Variants in PARP8 observed in about 807,000 individuals in gnomAD.
The protein encoded by PARP8 is poly(ADP-ribose) polymerase family member 8.
PARP8 carries 51 observed loss-of-function variants against 124.1 expected under a neutral mutation model. That is an observed-to-expected ratio of 0.41 (90% CI 0.33 to 0.52). The LOEUF (loss-of-function observed/expected upper bound fraction) is 0.52, where lower values mean the gene tolerates loss of function less well. PARP8 is among the 20% of genes least tolerant of loss of function. PARP8 has a pLI of 0.21. For synonymous variants in PARP8, 391 were observed against 361.5 expected (o/e 1.08, Z -0.93); for missense variants, 860 against 1,018.9 (o/e 0.84, Z 2.12).
At position 50,778,097 on chromosome 5, in the gene PARP8, A is replaced by G; in HGVS notation, c.547A>G (p.Ile183Val). 2.5e-6 allele frequency: 4 copies of G among 1,608,984 alleles called. No homozygotes were observed. The highest frequency in any genetic ancestry group is 3.4e-6 in the Non-Finnish European group (4 of 1,178,208). The change falls in exon 8 of 26, where the codon ATT becomes GTT. Residue 183 changes from isoleucine to valine, a missense_variant. This residue lies in a region of PARP8 where 517 missense variants were observed against 544.2 expected (regional missense o/e 0.95). Coordinates refer to ENST00000281631, the MANE Select transcript of PARP8 (RefSeq NM_024615.4). ...ATATGGAGCCATTGATGATGTAGAT[A>G]TTGATCTGCATATCGATGTTAGCTT... ...REYGAIDDVD[I>V]DLHIDVSFLD...
rs140500350 is a variant in PARP8, at chr5:50,828,361, G to T, written c.2140G>T (p.Val714Phe). 6.2e-7 allele frequency: 1 copy of T among 1,613,524 alleles called. No homozygotes were observed. Among genetic ancestry groups the T allele is most frequent in the Non-Finnish European group, 8.5e-7 (1 of 1,179,594 alleles). ...WHSILRNGLV[V>F]ASNTRLQLHG... ...CTCCATCCTGAGGAATGGTCTGGTT[G>T]TTGCTTCTAATACACGATTGCAGGT... Residue 714 changes from valine (V) to phenylalanine (F), a missense_variant, in exon 21 of 26, where the codon GTT (valine) becomes TTT (phenylalanine). Around this residue, in one of 2 missense-constraint regions of PARP8, gnomAD observed 343 missense variants for 474.7 expected, o/e 0.72. Coordinates refer to ENST00000281631, the MANE Select transcript of PARP8 (RefSeq NM_024615.4).
chr5:50,813,888 A>T (rs1432887439), intron 14 of PARP8, among the ~76,000 whole-genome samples: 1 of 152,254 alleles, frequency 6.6e-6, no homozygotes, highest in African/African-American at 2.4e-5. Flanking sequence ...AAGTAAGCAT[A>T]GTTCAAGGTT....
chr5:50,754,180 CAT>C (rs55915893), intron 3 of PARP8, among the ~76,000 whole-genome samples: 3,444 of 47,754 alleles, frequency 0.072, 112 homozygotes, highest in Non-Finnish European at 0.078. Flanking sequence ...CACACACACA[CAT>C]ATATATATAT....
At chr5:50,767,161 AC>A (rs1761135295) in intron 7 of PARP8, among the ~76,000 whole-genome samples, 1 of 151,736 alleles carries the variant, frequency 6.6e-6, no homozygotes, top group African/African-American at 2.4e-5. Flanking sequence ...CCCCTCCCTA[AC>A]CCCCAATTCT....
intron 2 of PARP8, among the ~76,000 whole-genome samples, chr5:50,691,151 CT>C (rs927568334): frequency 6.6e-5 from 10 of 152,310 alleles, no homozygotes; most frequent in Admixed American, 4.6e-4. Flanking sequence ...TCACTAACTT[CT>C]TTCTGTCTTG....
At chr5:50,692,655 A>G (rs966068056) in intron 2 of PARP8, among the ~76,000 whole-genome samples, 4 of 151,914 alleles carry the variant, frequency 2.6e-5, no homozygotes, top group African/African-American at 7.3e-5. Context: ...CTTTGTCCCT[A>G]TGGTTTCTTT....
rs183512097 is a variant in PARP8 at position 50,679,139 on chromosome 5, C to T, written c.146+11014C>T. ...ACTTGCTTTCACTTAAAAAAAAAATCTACCCTACATATACACAAAAGTTAA... is the reference window on the plus strand; with the variant it reads ...ACTTGCTTTCACTTAAAAAAAAAATTTACCCTACATATACACAAAAGTTAA... On this transcript the variant is annotated intron_variant, in intron 2 of 25. Transcript: ENST00000281631. 3.3e-4 allele frequency among the ~76,000 whole-genome samples: 50 copies of T among 152,158 alleles called. 1 individual carries two copies. The East Asian group carries it at 7.1e-3, about 22-fold the overall frequency.
At chr5:50,778,503 T>A (rs2149610391) in intron 8 of PARP8, 57 bp from the exon 9 acceptor site, 1 of 1,430,828 alleles carries the variant, frequency 7.0e-7, no homozygotes, top group African/African-American at 1.4e-5. Context: ...GTGTGTTTTT[T>A]TTTTCATTTT....
At chr5:50,806,215 G>A (rs2149673966) in intron 14 of PARP8, among the ~76,000 whole-genome samples, 1 of 152,046 alleles carries the variant, frequency 6.6e-6, no homozygotes, top group South Asian at 2.1e-4. Context: ...AATTTGTTCA[G>A]TGTTACTGTG....
At chr5:50,797,813 G>C (rs1738123611) in intron 14 of PARP8, among the ~76,000 whole-genome samples, 1 of 152,084 alleles carries the variant, frequency 6.6e-6, no homozygotes, top group South Asian at 2.1e-4. Context: ...AATTTTTATT[G>C]CTAAAATATA....
At chr5:50,778,446 A>G in intron 8 of PARP8, 114 bp from the exon 9 acceptor site, 1 of 797,998 alleles carries the variant, frequency 1.3e-6, no homozygotes, top group Non-Finnish European at 2.0e-6. Context: ...GATAACTTAT[A>G]GGCCTTCATG....
chr5:50,710,637 C>T (rs1389295158), intron 2 of PARP8, among the ~76,000 whole-genome samples: 1 of 151,986 alleles, frequency 6.6e-6, no homozygotes, highest in Non-Finnish European at 1.5e-5. Context: ...TGGTAGGAAC[C>T]TTTTAGAGAG....
chr5:50,665,989 C>T (rs1185660707), upstream of PARP8: 1 of 152,204 alleles, frequency 6.6e-6, no homozygotes, highest in Non-Finnish European at 1.5e-5. Context: ...AACAGGTTTC[C>T]ATCTTTTAGG....
intron 2 of PARP8, among the ~76,000 whole-genome samples, chr5:50,723,024 G>A (rs1225942771): frequency 1.3e-5 from 2 of 152,068 alleles, no homozygotes; most frequent in Non-Finnish European, 2.9e-5. Flanking sequence ...AAAGATGAGA[G>A]TTATTAAATC....
chr5:50,795,097 G>C lies in PARP8; in HGVS notation c.1108G>C (p.Ala370Pro). Residue 370 changes from alanine (A) to proline (P), a missense_variant, in exon 12 of 26, where the codon GCT becomes CCT. Ala to Pro is a conservative substitution (Grantham distance 27). This residue lies in a region of PARP8 where 517 missense variants were observed against 544.2 expected (regional missense o/e 0.95). Coordinates refer to ENST00000281631, the MANE Select transcript of PARP8 (RefSeq NM_024615.4). ...ACTTTTGAACCGTCCTTGCCCTGCAGCTGTTAAGTCAGAGGAATGCCTAAC... is the reference window on the plus strand; with the variant it reads ...ACTTTTGAACCGTCCTTGCCCTGCACCTGTTAAGTCAGAGGAATGCCTAAC... ...HKLLNRPCPA[A>P]VKSEECLTLK... is the part of the protein sequence containing the mutation. The C allele has an allele frequency of 6.2e-7, 1 of 1,614,212 alleles. No homozygotes were observed. Among genetic ancestry groups the C allele is most frequent in the Non-Finnish European group, 8.5e-7 (1 of 1,180,022 alleles).
At chr5:50,758,976 G>C (rs1007444944) in intron 3 of PARP8, among the ~76,000 whole-genome samples, 5 of 152,174 alleles carry the variant, frequency 3.3e-5, no homozygotes, top group African/African-American at 1.2e-4. Flanking sequence ...TGATAATTGT[G>C]AGACTTTATC....
In PARP8 at chr5:50,744,653, G is replaced by A. The variant is rs376544927; in HGVS notation, c.147-5498G>A. The A allele has an allele frequency of 6.0e-4, 411 of 684,140 alleles. 1 individual carries two copies. In the African/African-American group the frequency reaches 6.7e-3, roughly 11 times the overall value. The allele number at this position is 684,140 out of a possible 1,614,324, so 42.4% of individuals were successfully genotyped here. A position where few individuals can be genotyped will look rare whatever the true frequency, so the allele number is the denominator to read the frequency against. On this transcript the variant is annotated intron_variant, in intron 2 of 25. Coordinates refer to ENST00000281631, the MANE Select transcript of PARP8 (RefSeq NM_024615.4). The stretch of plus-strand genomic sequence containing the variant: ...CCAAACACATATTTGACTGACCTGA[G>A]TTTCTGGCAAAGCACCTCAATGTAA...
At chr5:50,794,750 G>T in intron 11 of PARP8, 103 bp from the exon 12 acceptor site, 1 of 1,026,794 alleles carries the variant, frequency 9.7e-7, no homozygotes, top group South Asian at 1.6e-5. Context: ...AAATGAGGTG[G>T]TAGAATATTT....
Position 50,833,991 on chromosome 5 carries a change from G to A in PARP8, c.2320G>A (p.Gly774Arg). The A allele has an allele frequency of 6.2e-7, 1 of 1,611,560 alleles. No individual in the cohort carries two copies. The highest frequency in any genetic ancestry group is 8.5e-7 in the Non-Finnish European group (1 of 1,178,520). ...SSNTSQSQKK[G>R]QQSQFLQSRN... is the part of the protein sequence containing the mutation. ...TTTTGGAATTTAGTCACAGAAAAAA[G>A]GACAGCAATCCCAATTCCTGCAAAG... The change falls in exon 24 of 26, where the codon GGA becomes AGA. Residue 774 changes from glycine to arginine, a missense_variant. Gly to Arg is a moderately radical substitution (Grantham distance 125). Around this residue, in one of 2 missense-constraint regions of PARP8, gnomAD observed 343 missense variants for 474.7 expected, o/e 0.72. Coordinates refer to ENST00000281631, the MANE Select transcript of PARP8 (RefSeq NM_024615.4).
Sources: gnomAD v4.1 joint callset for allele counts (sites outside exome capture counted in the v4.1 genomes callset) on GRCh38, gnomAD v4.1.1 for gene constraint, gnomAD v4.1.1 regional missense constraint, MANE v1.5 for transcripts, NCBI Gene and HGNC (gene_info 2026-07-23, HGNC 2026-07-21) for gene names.